The following AGBL1 variants were observed in gnomAD, a reference collection of about 807,000 sequenced individuals.
The protein encoded by AGBL1 is AGBL carboxypeptidase 1.
Under a neutral mutation model 118.9 loss-of-function variants are expected in AGBL1, and 130 were observed. The observed-to-expected ratio is 1.09, with a 90% CI of 0.95 to 1.26. The LOEUF (loss-of-function observed/expected upper bound fraction) is 1.26, where lower values mean the gene tolerates loss of function less well. AGBL1 is among the 50% of genes most tolerant of loss of function. The pLI, the probability that AGBL1 is intolerant of heterozygous loss-of-function variation, is 0.00. For missense variants in AGBL1, 1,584 were observed against 1,298.1 expected, an observed-to-expected ratio of 1.22 and a Z score of -3.38; for synonymous variants, 555 against 478.9, an observed-to-expected ratio of 1.16 and a Z score of -2.08.
At chr15:86,378,126 T>C (rs138252504) in intron 17 of AGBL1, among the ~76,000 whole-genome samples, 126 of 152,300 alleles carry the variant, frequency 8.3e-4, no homozygotes, top group African/African-American at 2.9e-3. Context: ...GTATGTATAA[T>C]GCAAATATAT....
intron 23 of AGBL1, among the ~76,000 whole-genome samples, chr15:86,950,698 A>C (rs567013989): frequency 6.6e-6 from 1 of 152,140 alleles, no homozygotes; most frequent in Admixed American, 6.6e-5. Flanking sequence ...TTCATGAAGA[A>C]TATATACAAA....
chr15:87,009,474 C>G (rs973158986), intron 24 of AGBL1, among the ~76,000 whole-genome samples: 5 of 152,228 alleles, frequency 3.3e-5, no homozygotes, highest in African/African-American at 1.2e-4. Flanking sequence ...TGGAGAACCT[C>G]TGCTAGGGCA....
intron 9 of AGBL1, among the ~76,000 whole-genome samples, chr15:86,261,103 A>G (rs75440864): frequency 0.013 from 1,974 of 152,342 alleles, 52 homozygotes; most frequent in African/African-American, 0.043. Flanking sequence ...CCAGTGGGCC[A>G]TAGTTTATTA....
At chr15:86,700,558 C>T (rs1043788465) in intron 22 of AGBL1, among the ~76,000 whole-genome samples, 3 of 151,216 alleles carry the variant, frequency 2.0e-5, no homozygotes, top group Non-Finnish European at 2.9e-5. Flanking sequence ...GTAGTTTAGG[C>T]AACAATATAG....
intron 17 of AGBL1, among the ~76,000 whole-genome samples, chr15:86,387,569 GGTCCTGAACATTA>G (rs1258080608): frequency 4.6e-5 from 7 of 152,316 alleles, no homozygotes; most frequent in African/African-American, 1.2e-4. Flanking sequence ...GGGGCTTGAA[GGTCCTGAACATTA>G]GTAGGAAAAT....
chr15:86,969,472 T>G (rs577034890), intron 23 of AGBL1, among the ~76,000 whole-genome samples: 1 of 151,812 alleles, frequency 6.6e-6, no homozygotes, highest in East Asian at 1.9e-4. Flanking sequence ...CCAGAGTCAG[T>G]GAGGATACAT....
chr15:86,483,928 C>A (rs1567018535), intron 18 of AGBL1, among the ~76,000 whole-genome samples: 1 of 152,092 alleles, frequency 6.6e-6, no homozygotes. Context: ...AGGGAGGGAG[C>A]AGTCAGTATT....
At chr15:86,588,279 G>A (rs553371375) in intron 21 of AGBL1, among the ~76,000 whole-genome samples, 26 of 152,296 alleles carry the variant, frequency 1.7e-4, no homozygotes, top group African/African-American at 6.3e-4. Context: ...TATATTTAGA[G>A]AGCCTTGATC....
chr15:86,333,824 A>C (rs2080314651), intron 17 of AGBL1, among the ~76,000 whole-genome samples: 3 of 152,214 alleles, frequency 2.0e-5, no homozygotes, highest in African/African-American at 7.2e-5. Flanking sequence ...CACATCCAAA[A>C]GTTAATTCTC....
chr15:86,860,319 T>C (rs1396740006), intron 22 of AGBL1, among the ~76,000 whole-genome samples: 5 of 152,122 alleles, frequency 3.3e-5, no homozygotes, highest in African/African-American at 1.2e-4. Flanking sequence ...TTATCATTAT[T>C]ATTGACTATA....
At chr15:86,196,871 G>A (rs1165560660) in intron 5 of AGBL1, among the ~76,000 whole-genome samples, 16 of 99,626 alleles carry the variant, frequency 1.6e-4, no homozygotes, top group South Asian at 9.2e-4. Context: ...GCACATGTGC[G>A]CGCGCGCGCA....
intron 5 of AGBL1, among the ~76,000 whole-genome samples, chr15:86,217,834 T>C (rs2078214581): frequency 7.0e-6 from 1 of 143,496 alleles, no homozygotes; most frequent in Non-Finnish European, 1.5e-5. Context: ...GGTCCATGTT[T>C]CAGATTTGGA....
At position 86,079,952 on chromosome 15, in the gene AGBL1, T is replaced by A. The variant is rs2141426282; in HGVS notation, c.-21T>A. The A allele has an allele frequency of 2.4e-6, 3 of 1,232,120 alleles. No homozygotes were observed. Among genetic ancestry groups the A allele is most frequent in the Non-Finnish European group, 3.0e-6 (3 of 987,946 alleles). 76.3% of individuals were successfully genotyped at this position (1,232,120 alleles called of 1,614,324 possible). The stretch of plus-strand genomic sequence containing the variant: ...CCTGGATCTGGCCGCAGGCAGCGGT[T>A]CCCTAGGACCCGAGAAAAGGATGGC... On this transcript the variant is annotated 5_prime_UTR_variant, in exon 1 of 23. Transcript: ENST00000614907.
At chr15:86,360,955 T>C (rs895573625) in intron 17 of AGBL1, among the ~76,000 whole-genome samples, 14 of 151,942 alleles carry the variant, frequency 9.2e-5, no homozygotes, top group African/African-American at 3.1e-4. Flanking sequence ...TTTGTAATTG[T>C]TTTTCTATTT....
At chr15:86,604,125 G>A (rs546055002) in intron 21 of AGBL1, among the ~76,000 whole-genome samples, 4 of 150,360 alleles carry the variant, frequency 2.7e-5, no homozygotes, top group African/African-American at 5.0e-5. Flanking sequence ...CAAACTCATC[G>A]GGGCCACCTC....
At chr15:86,722,838 G>T (rs1200279639) in intron 22 of AGBL1, among the ~76,000 whole-genome samples, 1 of 152,068 alleles carries the variant, frequency 6.6e-6, no homozygotes, top group Admixed American at 6.5e-5. Context: ...CAACAAGTGG[G>T]TGAAGGATAT....
At chr15:86,649,727 C>A (rs1420339866) in intron 21 of AGBL1, among the ~76,000 whole-genome samples, 3 of 144,108 alleles carry the variant, frequency 2.1e-5, no homozygotes, top group Admixed American at 6.8e-5. Context: ...TACATAAAAA[C>A]AATTATTCTG....
chr15:86,943,654 A>T (rs1705137807), intron 23 of AGBL1, among the ~76,000 whole-genome samples: 4 of 152,292 alleles, frequency 2.6e-5, no homozygotes, highest in African/African-American at 9.6e-5. Context: ...TTTACTGCAC[A>T]TGTGGTGATG....
chr15:86,647,685 A>ACT (rs1317141255), intron 21 of AGBL1, among the ~76,000 whole-genome samples: 39 of 152,334 alleles, frequency 2.6e-4, no homozygotes, highest in African/African-American at 9.1e-4. Context: ...TGGGTGACAG[A>ACT]GCAAGACTCT....
Sources: allele counts gnomAD v4.1 joint callset (sites outside exome capture counted in the v4.1 genomes callset), GRCh38; gene constraint gnomAD v4.1.1; transcripts MANE v1.5; gene names NCBI Gene and HGNC (gene_info 2026-07-23, HGNC 2026-07-21).